The following HS6ST3 variants were observed in gnomAD, a reference collection of about 807,000 sequenced individuals.
HS6ST3 encodes heparan-sulfate 6-O-sulfotransferase 3.
HS6ST3 carries 12 observed loss-of-function variants against 36.7 expected under a neutral mutation model. The ratio of observed to expected loss-of-function variants is 0.33; its 90% CI spans 0.21 to 0.53. The LOEUF is 0.53. HS6ST3 is among the 20% of genes least tolerant of loss of function. The pLI is 0.95. For synonymous variants in HS6ST3, 240 were observed against 257.5 expected (o/e 0.93, Z 0.65); for missense variants, 584 against 640.9 (o/e 0.91, Z 0.96).
intron 1 of HS6ST3, among the ~76,000 whole-genome samples, chr13:96,721,130 C>T (rs773667569): frequency 6.6e-6 from 1 of 152,162 alleles, no homozygotes; most frequent in Non-Finnish European, 1.5e-5. Context: ...TCTACTGAGC[C>T]TAATGATAAT....
chr13:96,824,907 G>C (rs932690794), intron 1 of HS6ST3, among the ~76,000 whole-genome samples: 1 of 152,110 alleles, frequency 6.6e-6, no homozygotes, highest in Admixed American at 6.5e-5. Context: ...ATACATCCTG[G>C]GGAATCAAAG....
intron 1 of HS6ST3, among the ~76,000 whole-genome samples, chr13:96,782,555 G>A (rs1368057560): frequency 6.6e-6 from 1 of 152,114 alleles, no homozygotes; most frequent in Non-Finnish European, 1.5e-5. Flanking sequence ...TGGAGCTGGC[G>A]GGTTCAGTTG....
intron 1 of HS6ST3, among the ~76,000 whole-genome samples, chr13:96,678,626 A>T (rs1019991317): frequency 6.6e-6 from 1 of 152,044 alleles, no homozygotes; most frequent in African/African-American, 2.4e-5. Context: ...GTGAGCCAAG[A>T]TCGCACCACT....
intron 1 of HS6ST3, among the ~76,000 whole-genome samples, chr13:96,447,295 C>A (rs181176462): frequency 4.6e-5 from 7 of 152,274 alleles, no homozygotes; most frequent in Admixed American, 3.3e-4. Flanking sequence ...CTTCTCATCC[C>A]CGTTGAGACC....
At chr13:96,114,943 T>A (rs1279159668) in intron 1 of HS6ST3, among the ~76,000 whole-genome samples, 1 of 152,242 alleles carries the variant, frequency 6.6e-6, no homozygotes, top group South Asian at 2.1e-4. Context: ...AATCAGTTTT[T>A]GACTGAATTT....
At chr13:96,569,346 T>G (rs934902403) in intron 1 of HS6ST3, among the ~76,000 whole-genome samples, 1 of 152,178 alleles carries the variant, frequency 6.6e-6, no homozygotes, top group African/African-American at 2.4e-5. Flanking sequence ...TTCTCCATTG[T>G]ATCCTTGGAA....
At chr13:96,252,512 C>T (rs898863011) in intron 1 of HS6ST3, among the ~76,000 whole-genome samples, 1 of 152,152 alleles carries the variant, frequency 6.6e-6, no homozygotes, top group Non-Finnish European at 1.5e-5. Context: ...GTGCTGAGAA[C>T]CTCCAATTTA....
At chr13:96,490,138 T>C (rs946560316) in intron 1 of HS6ST3, among the ~76,000 whole-genome samples, 4 of 152,184 alleles carry the variant, frequency 2.6e-5, no homozygotes, top group African/African-American at 7.2e-5. Context: ...CAAGCAATGG[T>C]ACTAGTTCTT....
At chr13:96,330,052 C>G (rs1346934227) in intron 1 of HS6ST3, among the ~76,000 whole-genome samples, 4 of 148,812 alleles carry the variant, frequency 2.7e-5, no homozygotes, top group East Asian at 2.0e-4. Flanking sequence ...TTCCACCATC[C>G]TTTTATTTTG....
intron 1 of HS6ST3, among the ~76,000 whole-genome samples, chr13:96,167,771 A>AT (rs1335274748): frequency 1.3e-5 from 2 of 152,226 alleles, no homozygotes; most frequent in Non-Finnish European, 2.9e-5. Flanking sequence ...GTATATGAGA[A>AT]TTTTTATGGA....
At chr13:96,187,387 T>A (rs1269797989) in intron 1 of HS6ST3, among the ~76,000 whole-genome samples, 1 of 152,196 alleles carries the variant, frequency 6.6e-6, no homozygotes, top group African/African-American at 2.4e-5. Context: ...TTGCATTTAT[T>A]TTGTTGCCAG....
chr13:96,410,195 A>G (rs1327578203), intron 1 of HS6ST3, among the ~76,000 whole-genome samples: 2 of 152,188 alleles, frequency 1.3e-5, no homozygotes, highest in African/African-American at 4.8e-5. Context: ...TGAAAAGCAA[A>G]TGGCAAACTC....
chr13:96,410,506 AAAC>A (rs1210309081), intron 1 of HS6ST3, among the ~76,000 whole-genome samples: 16 of 152,282 alleles, frequency 1.1e-4, no homozygotes, highest in East Asian at 3.9e-4. Context: ...GAAATTGTGA[AAAC>A]AACAACAATA....
intron 1 of HS6ST3, among the ~76,000 whole-genome samples, chr13:96,289,827 AAGGGCGAAGCTTTATCTGTG>A (rs138371416): frequency 0.014 from 2,199 of 152,272 alleles, 26 homozygotes; most frequent in East Asian, 0.054. Context: ...ACTGTGATTC[AAGGGCGAAGCTTTATCTGTG>A]AGGTGCAAAC....
At chr13:96,531,026 C>T (rs1036484330) in intron 1 of HS6ST3, among the ~76,000 whole-genome samples, 3 of 152,280 alleles carry the variant, frequency 2.0e-5, no homozygotes, top group East Asian at 3.9e-4. Context: ...TGCTTCTAAG[C>T]ACCTCATCTT....
intron 1 of HS6ST3, among the ~76,000 whole-genome samples, chr13:96,396,445 A>G (rs890633447): frequency 3.3e-5 from 5 of 152,150 alleles, no homozygotes; most frequent in Admixed American, 2.6e-4. Flanking sequence ...AAGTCTTCCA[A>G]ATTAATCCTG....
intron 1 of HS6ST3, among the ~76,000 whole-genome samples, chr13:96,790,699 A>G (rs1877766204): frequency 1.3e-5 from 2 of 152,090 alleles, no homozygotes; most frequent in Non-Finnish European, 2.9e-5. Context: ...CTGTTAAAAA[A>G]TAAGACTTTT....
At chr13:96,353,304 C>T (rs1053948744) in intron 1 of HS6ST3, among the ~76,000 whole-genome samples, 2 of 151,884 alleles carry the variant, frequency 1.3e-5, no homozygotes, top group East Asian at 3.9e-4. Context: ...TTCTTCATTA[C>T]TGAAGATAGT....
chr13:96,696,473 G>T (rs1566432004), intron 1 of HS6ST3, among the ~76,000 whole-genome samples: 1 of 152,182 alleles, frequency 6.6e-6, no homozygotes, highest in Non-Finnish European at 1.5e-5. Context: ...TAAAATGGAT[G>T]GAAGTATGTG....
Sources: gnomAD v4.1 joint callset for allele counts (sites outside exome capture counted in the v4.1 genomes callset) on GRCh38, gnomAD v4.1.1 for gene constraint, MANE v1.5 for transcripts, NCBI Gene and HGNC (gene_info 2026-07-23, HGNC 2026-07-21) for gene names.